Variants in MCM10 observed in about 807,000 individuals in gnomAD.
MCM10 encodes protein MCM10 homolog.
Under a neutral mutation model 109.9 loss-of-function variants are expected in MCM10, and 91 were observed. That is an observed-to-expected ratio of 0.83 (90% CI 0.70 to 0.99). MCM10 has a LOEUF of 0.99. MCM10 is among the 50% of genes least tolerant of loss of function. MCM10 has a pLI of 0.00. For missense variants in MCM10, 1,077 were observed against 1,061.2 expected (o/e 1.01, Z -0.21); for synonymous variants, 380 against 387.2 (o/e 0.98, Z 0.22).
At chr10:13,165,474 T>A (rs952687070) in intron 2 of MCM10, among the ~76,000 whole-genome samples, 82 of 152,318 alleles carry the variant, frequency 5.4e-4, no homozygotes, top group African/African-American at 1.9e-3. Flanking sequence ...ATACAAAGCA[T>A]CACTTTTTGC....
In MCM10 at chr10:13,164,185, A is replaced by G; in HGVS notation, c.-18A>G. On this transcript the variant is annotated 5_prime_UTR_variant, in exon 2 of 20. Transcript: ENST00000378714. ...AGCCTCCTTCGAAGTTTCCTGTCAC[A>G]ACTGTCCTCTTGACAGCATGGATGG... 1 of 1,588,380 alleles carries G rather than the reference A, an allele frequency of 6.3e-7. No individual in the cohort carries two copies. The highest frequency in any genetic ancestry group is 8.5e-7 in the Non-Finnish European group (1 of 1,172,526).
At chr10:13,179,929 A>G (rs1276493623) in intron 6 of MCM10, among the ~76,000 whole-genome samples, 1 of 152,234 alleles carries the variant, frequency 6.6e-6, no homozygotes, top group Admixed American at 6.5e-5. Flanking sequence ...CCCTAGATCT[A>G]TATCCAAAGA....
At chr10:13,205,273 C>T (rs1302965000) in intron 18 of MCM10, among the ~76,000 whole-genome samples, 1 of 152,004 alleles carries the variant, frequency 6.6e-6, no homozygotes, top group Admixed American at 6.6e-5. Flanking sequence ...TAAGTGGGTA[C>T]ATGCAGTATT....
chr10:13,180,359 TCA>T, intron 6 of MCM10, 81 bp from the exon 7 acceptor site: 1 of 1,274,564 alleles, frequency 7.8e-7, no homozygotes, highest in Non-Finnish European at 1.1e-6. Flanking sequence ...TTTCTGACCA[TCA>T]CACTCCCTTA....
At chr10:13,176,761 T>G (rs972816573) in intron 6 of MCM10, among the ~76,000 whole-genome samples, 2 of 152,096 alleles carry the variant, frequency 1.3e-5, no homozygotes, top group Non-Finnish European at 2.9e-5. Context: ...GACACAGTGG[T>G]GTGCACCTGT....
At chr10:13,166,657 CATACATATAT>C (rs377039477) in intron 2 of MCM10, among the ~76,000 whole-genome samples, 4 of 19,956 alleles carry the variant, frequency 2.0e-4, no homozygotes, top group East Asian at 9.9e-4. Context: ...AAAATACATA[CATACATATAT>C]ATATATATAT....
At chr10:13,183,208 C>G in intron 8 of MCM10, 108 bp downstream of exon 8, 8 of 1,296,352 alleles carry the variant, frequency 6.2e-6, no homozygotes, top group Non-Finnish European at 7.4e-6. Context: ...GTAATCCTAA[C>G]ACTTTGGGGA....
At chr10:13,166,682 ATAT>A (rs1834005452) in intron 2 of MCM10, among the ~76,000 whole-genome samples, 2 of 133,264 alleles carry the variant, frequency 1.5e-5, no homozygotes, top group Non-Finnish European at 3.3e-5. Flanking sequence ...ATATATATAT[ATAT>A]ATATCATCAG....
intron 7 of MCM10, among the ~76,000 whole-genome samples, chr10:13,181,692 A>C (rs1834212040): frequency 6.6e-6 from 1 of 152,248 alleles, no homozygotes; most frequent in African/African-American, 2.4e-5. Context: ...AAAATTTTAA[A>C]AAATTAAAGA....
intron 1 of MCM10, among the ~76,000 whole-genome samples, 153 bp from the exon 2 acceptor site, chr10:13,163,975 C>T (rs1195988674): frequency 2.0e-5 from 3 of 152,034 alleles, no homozygotes; most frequent in East Asian, 1.9e-4. Context: ...ATGGCATTGG[C>T]GGTGTGGAGA....
intron 7 of MCM10, among the ~76,000 whole-genome samples, chr10:13,181,378 A>G (rs995817549): frequency 1.3e-5 from 2 of 152,190 alleles, no homozygotes; most frequent in Non-Finnish European, 2.9e-5. Context: ...TTGAATTTTA[A>G]GAGTACCTGG....
In MCM10 at chr10:13,209,971, T is replaced by C. The variant is rs184752089; in HGVS notation, c.*661T>C. 6 of 68,188 alleles carry C rather than the reference T, an allele frequency of 8.8e-5. No individual in the cohort carries two copies. Among genetic ancestry groups the C allele is most frequent in the Admixed American group, 2.4e-4 (2 of 8,240 alleles). 4.2% of individuals were successfully genotyped at this position (68,188 alleles called of 1,614,324 possible). On this transcript the variant is annotated 3_prime_UTR_variant, in exon 20 of 20. Coordinates refer to ENST00000378714, the MANE Select transcript of MCM10 (RefSeq NM_018518.5). ...ATCACTTTGCATTTCAGTTTATATA[T>C]ATAGAGAGAAAGAAGGTGTCTGCTC...
chr10:13,195,927 A>C (rs1177871080), intron 14 of MCM10, among the ~76,000 whole-genome samples: 1 of 151,614 alleles, frequency 6.6e-6, no homozygotes, highest in African/African-American at 2.4e-5. Context: ...TTGTTGAGAC[A>C]GACTATCCCC....
chr10:13,204,189 G>A (rs781203358), intron 17 of MCM10, 30 bp from the exon 18 acceptor site: 2 of 1,604,136 alleles, frequency 1.2e-6, no homozygotes, highest in Non-Finnish European at 1.7e-6. Context: ...CTCTTCACCG[G>A]CGGTGTGGGT....
In MCM10 at chr10:13,195,197, AGAT is replaced by A. The variant is rs748710271; in HGVS notation, c.1907_1909del (p.Asp636del). On this transcript the variant is annotated inframe_deletion, in exon 14 of 20. Transcript: ENST00000378714. Reference sequence around the variant, plus strand: ...AGCTGGGGCGAGGTGTCTTGGAAGGAGATGATGTTCTCTTTTATGATGAGTCAC... The same window carrying A: ...AGCTGGGGCGAGGTGTCTTGGAAGGAGATGTTCTCTTTTATGATGAGTCAC... 2 of 1,613,478 alleles carry A rather than the reference AGAT, an allele frequency of 1.2e-6. No individual in the cohort carries two copies. Among genetic ancestry groups the A allele is most frequent in the South Asian group, 2.2e-5 (2 of 90,946 alleles).
At chr10:13,203,237 C>T (rs1321217856) in intron 17 of MCM10, among the ~76,000 whole-genome samples, 1 of 152,128 alleles carries the variant, frequency 6.6e-6, no homozygotes, top group Non-Finnish European at 1.5e-5. Context: ...GCAGACGGGG[C>T]TGCAGTAGGG....
chr10:13,201,022 G>A (rs1356732807), intron 16 of MCM10, among the ~76,000 whole-genome samples: 1 of 152,186 alleles, frequency 6.6e-6, no homozygotes, highest in East Asian at 1.9e-4. Flanking sequence ...GCGGGCACCT[G>A]TAGTCCCTAC....
intron 18 of MCM10, among the ~76,000 whole-genome samples, chr10:13,205,350 A>C (rs1834566231): frequency 6.6e-6 from 1 of 152,100 alleles, no homozygotes; most frequent in African/African-American, 2.4e-5. Context: ...GTTGCTGTAA[A>C]AGACATGACT....
chr10:13,203,276 G>A (rs1455885385), intron 17 of MCM10, among the ~76,000 whole-genome samples: 1 of 152,134 alleles, frequency 6.6e-6, no homozygotes, highest in African/African-American at 2.4e-5. Flanking sequence ...CAGCTTCTGA[G>A]TCACAGTATT....
Sources: allele counts gnomAD v4.1 joint callset (sites outside exome capture counted in the v4.1 genomes callset), GRCh38; gene constraint gnomAD v4.1.1; transcripts MANE v1.5; gene names NCBI Gene and HGNC (gene_info 2026-07-23, HGNC 2026-07-21).